The following PNLIPRP1 variants were observed in gnomAD, a reference collection of about 807,000 sequenced individuals.
PNLIPRP1 encodes pancreatic lipase related protein 1, also known as inactive pancreatic lipase-related protein 1.
PNLIPRP1 carries 57 observed loss-of-function variants against 54.6 expected under a neutral mutation model. The observed-to-expected ratio is 1.04, with a 90% CI of 0.84 to 1.30. PNLIPRP1 has a LOEUF of 1.30. Among genes scored for constraint, PNLIPRP1 ranks in the 50% most tolerant of loss-of-function variants. The pLI is 0.00. For missense variants in PNLIPRP1, 567 were observed against 568.5 expected, an observed-to-expected ratio of 1.00 and a Z score of 0.03; for synonymous variants, 232 against 208.8, an observed-to-expected ratio of 1.11 and a Z score of -0.96.
rs552717629 is a variant in PNLIPRP1 at position 116,601,022 on chromosome 10, T to C, written c.934-50T>C. 114 of 1,547,066 alleles carry C rather than the reference T, an allele frequency of 7.4e-5. No individual in the cohort carries two copies. The South Asian group carries it at 1.3e-3, about 17-fold the overall frequency. ...GTGTCTGCCCTCTCAGATGTATCGA[T>C]CATACAAACACAAATTCTCCTTACA... On this transcript the variant is annotated intron_variant, in intron 9 of 12. Transcript: ENST00000358834.
chr10:116,595,109 C>A, intron 5 of PNLIPRP1: 1 of 476,700 alleles, frequency 2.1e-6, no homozygotes, highest in Non-Finnish European at 3.8e-6. Context: ...AACTGAGGCC[C>A]AGAAAGTTTA....
chr10:116,604,249 T>C (rs1564740369), intron 11 of PNLIPRP1, 111 bp downstream of exon 11: 3 of 553,012 alleles, frequency 5.4e-6, no homozygotes, highest in Non-Finnish European at 9.7e-6. Context: ...TTTTTAATTA[T>C]AGTCATGCAA....
rs1847704688 is a variant in PNLIPRP1, at chr10:116,594,763, T to C, written c.364T>C (p.Cys122Arg). The C allele has an allele frequency of 1.2e-6, 2 of 1,614,042 alleles. No individual in the cohort carries two copies. The highest frequency in any genetic ancestry group is 1.6e-4 in the Middle Eastern group (1 of 6,084). Residue 122 changes from cysteine to arginine, a missense_variant, in exon 5 of 13, where the codon TGC becomes CGC. Transcript: ENST00000358834. ...LFEVEEVNCI[C>R]VDWKKGSQAT... ...CGAGGTGGAGGAGGTGAACTGCATC[T>C]GCGTGGACTGGAAGAAGGGCTCCCA...
rs1291594706 is a variant in PNLIPRP1 at position 116,593,341 on chromosome 10, ACAC to A, written c.330+801_330+803del. On this transcript the variant is annotated intron_variant, in intron 4 of 12. Coordinates refer to ENST00000358834, the MANE Select transcript of PNLIPRP1 (RefSeq NM_006229.4). ...CTTGTGCATACACACACAAACACAC[ACAC>A]ATGTGCGTGCAATATACCACAATAT... Among the ~76,000 whole-genome samples the A allele has an allele frequency of 2.0e-5, 3 of 152,212 alleles. No homozygotes were observed. The South Asian group carries it at 6.2e-4, about 32-fold the overall frequency.
At chr10:116,597,762 A>C in intron 6 of PNLIPRP1, 66 bp from the exon 7 acceptor site, 1 of 1,601,478 alleles carries the variant, frequency 6.2e-7, no homozygotes, top group Non-Finnish European at 8.5e-7. Flanking sequence ...GGGCAGCTGT[A>C]CACCTTGGTG....
chr10:116,592,351 G>A (rs2133226221), intron 3 of PNLIPRP1, 65 bp from the exon 4 acceptor site: 3 of 1,520,920 alleles, frequency 2.0e-6, no homozygotes, highest in Non-Finnish European at 2.6e-6. Context: ...AGGCGGAGAT[G>A]AGGAAGGAAA....
Position 116,594,816 on chromosome 10 carries a change from CG to C in PNLIPRP1, c.418del (p.Val140CysfsTer16). 1 of 1,614,166 alleles carries C rather than the reference CG, an allele frequency of 6.2e-7. No individual in the cohort carries two copies. The highest frequency in any genetic ancestry group is 2.2e-5 in the East Asian group (1 of 44,870). On this transcript the variant is annotated frameshift_variant, in exon 5 of 13. Coordinates refer to ENST00000358834, the MANE Select transcript of PNLIPRP1 (RefSeq NM_006229.4). LOFTEE classifies it high-confidence loss of function. The part of the protein sequence containing the change: ...QATYTQAANN[V>X]RVVGAQVAQM... ...CCACCTACACACAGGCTGCCAACAACGTGCGAGTGGTGGGCGCCCAGGTGGC... is the reference window on the plus strand; with the variant it reads ...CCACCTACACACAGGCTGCCAACAACTGCGAGTGGTGGGCGCCCAGGTGGC...
At chr10:116,592,128 A>G (rs1406310932) in intron 3 of PNLIPRP1, 7 of 640,788 alleles carry the variant, frequency 1.1e-5, no homozygotes, top group Non-Finnish European at 1.3e-5. Flanking sequence ...CACATTTGCC[A>G]GAACCTCTAG....
intron 6 of PNLIPRP1, 102 bp downstream of exon 6, chr10:116,596,424 C>G: frequency 1.4e-6 from 1 of 716,398 alleles, no homozygotes; most frequent in Non-Finnish European, 2.4e-6. Context: ...GAGACTGTCC[C>G]CCTTGGCTGT....
chr10:116,594,016 C>T (rs17808620), intron 4 of PNLIPRP1: 3,225 of 160,326 alleles, frequency 0.02, 49 homozygotes, highest in Non-Finnish European at 0.03. Context: ...GAGGAGAAAA[C>T]TCCCACTATC....
In PNLIPRP1 at chr10:116,591,825, G is replaced by A. The variant is rs782433696; in HGVS notation, c.104G>A (p.Gly35Asp). ...TGCTTTTCTGACACTGAGCCCTGGGGCGGGACAGCAATCAGGCCCCTGAAA... is the reference window on the plus strand; with the variant it reads ...TGCTTTTCTGACACTGAGCCCTGGGACGGGACAGCAATCAGGCCCCTGAAA... Reference protein sequence around the residue: ...LGCFSDTEPWGGTAIRPLKIL... With the variant: ...LGCFSDTEPWDGTAIRPLKIL... Residue 35 changes from glycine (G) to aspartate (D), a missense_variant, in exon 3 of 13, where the codon GGC (glycine) becomes GAC (aspartate). Transcript: ENST00000358834. The A allele has an allele frequency of 1.5e-5, 24 of 1,614,112 alleles. No individual in the cohort carries two copies. In the Admixed American group the frequency reaches 3.0e-4, roughly 20 times the overall value.
At chr10:116,605,170 T>C (rs1589577094) in intron 11 of PNLIPRP1, among the ~76,000 whole-genome samples, 2 of 152,248 alleles carry the variant, frequency 1.3e-5, no homozygotes, top group African/African-American at 4.8e-5. Context: ...TTTTATTTTC[T>C]ATTAGAAAGC....
intron 10 of PNLIPRP1, among the ~76,000 whole-genome samples, chr10:116,603,783 C>G (rs190193390): frequency 4.6e-5 from 7 of 152,218 alleles, no homozygotes; most frequent in African/African-American, 1.7e-4. Flanking sequence ...GTCCCAGCTA[C>G]TAGGGAGGTT....
chr10:116,592,404 C>T lies in PNLIPRP1; in HGVS notation c.205-12C>T, dbSNP rs782153321. The T allele has an allele frequency of 1.8e-5, 28 of 1,589,754 alleles. No individual in the cohort carries two copies. The highest frequency in any genetic ancestry group is 4.0e-5 in the African/African-American group (3 of 74,284). On this transcript the variant is annotated splice_polypyrimidine_tract_variant and intron_variant, in intron 3 of 12. Transcript: ENST00000358834. ...GCTGCGAAAACATGAAGCACTTCTG[C>T]GTCTGTCACAGATTCTCCTCCTCTC...
intron 10 of PNLIPRP1, 98 bp downstream of exon 10, chr10:116,601,299 T>G: frequency 3.5e-6 from 4 of 1,142,724 alleles, no homozygotes; most frequent in Non-Finnish European, 5.0e-6. Flanking sequence ...TGTGGGTACA[T>G]TTTAATTATC....
intron 6 of PNLIPRP1, 99 bp from the exon 7 acceptor site, chr10:116,597,729 T>C: frequency 5.2e-6 from 7 of 1,347,500 alleles, no homozygotes; most frequent in South Asian, 2.6e-5. Context: ...ATGGTACCCA[T>C]TGAGTTGGGC....
chr10:116,605,768 T>A (rs1190978407), intron 12 of PNLIPRP1, among the ~76,000 whole-genome samples: 1 of 152,156 alleles, frequency 6.6e-6, no homozygotes, highest in Non-Finnish European at 1.5e-5. Flanking sequence ...CCTGTGGGAA[T>A]ACAGAAGATA....
intron 10 of PNLIPRP1, among the ~76,000 whole-genome samples, chr10:116,603,823 G>A (rs1445549562): frequency 6.6e-6 from 1 of 152,166 alleles, no homozygotes; most frequent in African/African-American, 2.4e-5. Context: ...AACCTGGGAG[G>A]CAGAGGTGGC....
Position 116,601,135 on chromosome 10 carries a change from G to T in PNLIPRP1, c.997G>T (p.Ala333Ser), listed in dbSNP as rs782637235. 2 of 1,614,058 alleles carry T rather than the reference G, an allele frequency of 1.2e-6. No homozygotes were observed. Among genetic ancestry groups the T allele is most frequent in the Non-Finnish European group, 1.7e-6 (2 of 1,179,974 alleles). Residue 333 changes from alanine to serine, a missense_variant, in exon 10 of 13, where the codon GCT (alanine) becomes TCT (serine). Coordinates refer to ENST00000358834, the MANE Select transcript of PNLIPRP1 (RefSeq NM_006229.4). Reference protein sequence around the residue: ...PQMGHYADKFAGRTSEEQQKF... With the variant: ...PQMGHYADKFSGRTSEEQQKF... ...GATGGGTCACTATGCTGATAAATTTGCTGGCAGGACAAGTGAAGAGCAGCA... is the reference window on the plus strand; with the variant it reads ...GATGGGTCACTATGCTGATAAATTTTCTGGCAGGACAAGTGAAGAGCAGCA...
Sources: allele counts gnomAD v4.1 joint callset (sites outside exome capture counted in the v4.1 genomes callset), GRCh38; gene constraint gnomAD v4.1.1; transcripts MANE v1.5; gene names NCBI Gene and HGNC (gene_info 2026-07-23, HGNC 2026-07-21).